Variants in ABLIM2 observed in about 807,000 individuals in gnomAD.
ABLIM2 encodes the protein actin-binding LIM protein 2.
A neutral mutation model predicts 97.7 loss-of-function variants in ABLIM2; 53 were observed. The observed-to-expected ratio is 0.54, with a 90% CI of 0.44 to 0.68. The LOEUF (loss-of-function observed/expected upper bound fraction) is 0.68. ABLIM2 is among the 30% of genes least tolerant of loss of function. The probability of loss-of-function intolerance (pLI) is 0.00; values close to 1 mark genes in which losing one functional copy is unlikely to be tolerated. For synonymous variants in ABLIM2, 361 were observed against 345.8 expected (o/e 1.04, Z -0.49); for missense variants, 835 against 867.2 (o/e 0.96, Z 0.47).
chr4:7,995,772 C>T (rs1276620632), intron 16 of ABLIM2, among the ~76,000 whole-genome samples: 9 of 152,156 alleles, frequency 5.9e-5, no homozygotes, highest in African/African-American at 1.7e-4. Flanking sequence ...AACAGGCAAA[C>T]GAGGAGCTGG....
chr4:8,156,067 C>G (rs1459918920), intron 1 of ABLIM2, among the ~76,000 whole-genome samples: 1 of 152,180 alleles, frequency 6.6e-6, no homozygotes, highest in Admixed American at 6.5e-5. Flanking sequence ...CCTCTGTCCA[C>G]CTGGGGGAAT....
At chr4:8,051,447 C>G (rs73074035) in intron 8 of ABLIM2, among the ~76,000 whole-genome samples, 1 of 150,454 alleles carries the variant, frequency 6.6e-6, no homozygotes, top group Non-Finnish European at 1.5e-5. Context: ...GTCCCAGCTA[C>G]TTGGGAGGCT....
chr4:7,997,678 C>T (rs555202557), intron 16 of ABLIM2, among the ~76,000 whole-genome samples: 89 of 152,214 alleles, frequency 5.8e-4, no homozygotes, highest in African/African-American at 2.0e-3. Flanking sequence ...ACTCCAGGCC[C>T]GGGTCTCCTG....
chr4:8,085,679 G>A lies in ABLIM2; in HGVS notation c.454+2490C>T, dbSNP rs558020371. Among the ~76,000 whole-genome samples, 7 of 136,256 alleles carry A rather than the reference G, an allele frequency of 5.1e-5. No individual in the cohort carries two copies. The highest frequency in any genetic ancestry group is 1.4e-4 in the African/African-American group (5 of 36,002). 89.4% of individuals were successfully genotyped at this position (136,256 alleles called of 152,430 possible). A position where few individuals can be genotyped will look rare whatever the true frequency, so the allele number is the denominator to read the frequency against. On this transcript the variant is annotated intron_variant, in intron 4 of 20. Transcript: ENST00000447017. The surrounding 1 kb of genome is among the most constrained non-coding windows in gnomAD (Gnocchi z 6.1). ...CCACGCTGCAGCCCCGTCCACTCAC[G>A]TGGGTCTGGGGGTGCCCACGCTGCA... is the stretch of plus-strand genomic sequence containing the variant.
rs985036978 is a variant in ABLIM2, at chr4:8,067,755, A to C, written c.676-6701T>G. On this transcript the variant is annotated intron_variant, in intron 6 of 20. Transcript: ENST00000447017. This position sits in a 1 kb window ranked among gnomAD's most constrained non-coding sequence, Gnocchi z 5.4. Reference sequence around the variant, plus strand: ...TCGTGGCCAAAGCCATGGAGGTGACAGATTCCAGCCTGAGATTCTCTCTTC... The same window carrying C: ...TCGTGGCCAAAGCCATGGAGGTGACCGATTCCAGCCTGAGATTCTCTCTTC... The C allele has an allele frequency of 2.6e-5, 4 of 152,264 alleles. No homozygotes were observed. The highest frequency in any genetic ancestry group is 5.9e-5 in the Non-Finnish European group (4 of 68,072). 9.4% of individuals were successfully genotyped at this position (152,264 alleles called of 1,614,324 possible). A position where few individuals can be genotyped will look rare whatever the true frequency, so the allele number is the denominator to read the frequency against.
chr4:7,987,749 G>A (rs561413068), intron 17 of ABLIM2, among the ~76,000 whole-genome samples: 1 of 152,192 alleles, frequency 6.6e-6, no homozygotes, highest in Non-Finnish European at 1.5e-5. Context: ...GGTGGAGAAG[G>A]GGGAATACTT....
intron 9 of ABLIM2, among the ~76,000 whole-genome samples, chr4:8,037,472 A>T (rs1560839289): frequency 6.6e-6 from 1 of 151,848 alleles, no homozygotes; most frequent in Non-Finnish European, 1.5e-5. Flanking sequence ...ACATACTAGC[A>T]CACACATGCC....
At chr4:8,070,965 A>AC (rs1001013498) in intron 6 of ABLIM2, among the ~76,000 whole-genome samples, 4 of 151,994 alleles carry the variant, frequency 2.6e-5, no homozygotes, top group South Asian at 2.1e-4. Flanking sequence ...GGAAACAGGC[A>AC]CCCCCACTCC....
intron 1 of ABLIM2, among the ~76,000 whole-genome samples, chr4:8,158,154 C>T (rs1466111620): frequency 1.3e-5 from 2 of 152,216 alleles, no homozygotes; most frequent in African/African-American, 2.4e-5. Flanking sequence ...GGGTCTGACA[C>T]ATGCGGGCTC....
intron 17 of ABLIM2, among the ~76,000 whole-genome samples, chr4:7,987,220 T>G (rs548185972): frequency 6.0e-4 from 91 of 151,540 alleles, no homozygotes; most frequent in Non-Finnish European, 1.2e-3. Context: ...TCAAGCTATC[T>G]GCCCACCTCA....
intron 20 of ABLIM2, among the ~76,000 whole-genome samples, chr4:7,975,938 A>AT (rs1732690428): frequency 6.6e-6 from 1 of 152,164 alleles, no homozygotes; most frequent in South Asian, 2.1e-4. Flanking sequence ...TTTCTTAAAC[A>AT]TATGTCCCAC....
Position 7,999,424 on chromosome 4 carries a change from A to C in ABLIM2, c.1619-6497T>G, listed in dbSNP as rs972190435. Among the ~76,000 whole-genome samples, 1 of 152,212 alleles carries C rather than the reference A, an allele frequency of 6.6e-6. No homozygotes were observed. The highest frequency in any genetic ancestry group is 2.1e-4 in the South Asian group (1 of 4,830). On this transcript the variant is annotated intron_variant, in intron 16 of 20. Transcript: ENST00000447017. This position sits in a 1 kb window ranked among gnomAD's most constrained non-coding sequence, Gnocchi z 4.4. The stretch of plus-strand genomic sequence containing the variant: ...TTTCACTTGACTCTCACCAGCCTAC[A>C]CACTAAACATGAACCCATTTTACAG...
intron 20 of ABLIM2, among the ~76,000 whole-genome samples, chr4:7,967,507 G>A (rs1723851474): frequency 6.6e-6 from 1 of 152,230 alleles, no homozygotes; most frequent in East Asian, 1.9e-4. Flanking sequence ...CCATCCGAGA[G>A]CAGGAGGTGG....
At chr4:8,012,123 A>G (rs1765347542) in intron 14 of ABLIM2, among the ~76,000 whole-genome samples, 1 of 145,060 alleles carries the variant, frequency 6.9e-6, no homozygotes, top group Admixed American at 6.8e-5. Flanking sequence ...CCCATCCTTC[A>G]CCCATCCATC....
chr4:8,007,081 C>T, intron 16 of ABLIM2: 2 of 985,448 alleles, frequency 2.0e-6, no homozygotes, highest in Non-Finnish European at 2.4e-6. Flanking sequence ...TCTGTGTCTT[C>T]ACTCTTTCCT....
intron 1 of ABLIM2, among the ~76,000 whole-genome samples, chr4:8,144,573 G>A (rs1005275393): frequency 1.3e-5 from 2 of 152,340 alleles, no homozygotes; most frequent in African/African-American, 2.4e-5. Context: ...GCGCCATTCA[G>A]CTGAGCACAG....
Position 8,006,881 on chromosome 4 carries a change from G to GA in ABLIM2, c.1618+1177_1618+1178insT, listed in dbSNP as rs200901744. On this transcript the variant is annotated intron_variant, in intron 16 of 20. Transcript: ENST00000447017. ...CTCCCTCTGGGGGATTTTTGCAGGG[G>GA]GGGGGTGGCTTTCCCATGGTGACAT... 2,298 of 377,746 alleles carry GA rather than the reference G, an allele frequency of 6.1e-3. 53 individuals carry two copies. The highest frequency in any genetic ancestry group is 0.047 in the African/African-American group (2,127 of 45,552). The allele number at this position is 377,746 out of a possible 1,614,324, so 23.4% of individuals were successfully genotyped here. A position where few individuals can be genotyped will look rare whatever the true frequency, so the allele number is the denominator to read the frequency against.
Position 8,046,483 on chromosome 4 carries a change from G to C in ABLIM2, c.823-1242C>G, listed in dbSNP as rs1417446735. Among the ~76,000 whole-genome samples, 1 of 152,052 alleles carries C rather than the reference G, an allele frequency of 6.6e-6. No individual in the cohort carries two copies. Among genetic ancestry groups the C allele is most frequent in the Non-Finnish European group, 1.5e-5 (1 of 68,008 alleles). On this transcript the variant is annotated intron_variant, in intron 8 of 20. Transcript: ENST00000447017. The surrounding 1 kb of genome is among the most constrained non-coding windows in gnomAD (Gnocchi z 4.4). The stretch of plus-strand genomic sequence containing the variant: ...GGCCTCCCCAGCCCTCAGCAGCCAA[G>C]AGCTCAGCCCTCACTCTCCCCACGG...
rs1809138952 is a variant in ABLIM2 at position 8,067,998 on chromosome 4, G to A, written c.676-6944C>T. ...CAGTGGGTCACAGGCGGCCATCGAT[G>A]GGCTGATGGAGTCAAAAATTAGAAG... is the stretch of plus-strand genomic sequence containing the variant. On this transcript the variant is annotated intron_variant, in intron 6 of 20. Transcript: ENST00000447017. This position sits in a 1 kb window ranked among gnomAD's most constrained non-coding sequence, Gnocchi z 5.4. 6.6e-6 allele frequency among the ~76,000 whole-genome samples: 1 copy of A among 152,146 alleles called. No individual in the cohort carries two copies. Among genetic ancestry groups the A allele is most frequent in the African/African-American group, 2.4e-5 (1 of 41,428 alleles).
Sources: gnomAD v4.1 joint callset for allele counts (sites outside exome capture counted in the v4.1 genomes callset) on GRCh38, gnomAD v4.1.1 for gene constraint, Gnocchi (gnomAD v3.1) non-coding constraint, MANE v1.5 for transcripts, NCBI Gene and HGNC (gene_info 2026-07-23, HGNC 2026-07-21) for gene names.